CIC: variants seen among roughly 807,000 people sequenced by gnomAD.
CIC encodes the protein protein capicua homolog.
CIC carries 18 observed loss-of-function variants against 115.7 expected under a neutral mutation model. That is an observed-to-expected ratio of 0.16 (90% CI 0.11 to 0.23). The LOEUF (loss-of-function observed/expected upper bound fraction) is 0.23. Ranked by LOEUF, CIC falls within the 10% of genes least tolerant of loss-of-function variation. The pLI is 1.00. For missense variants in CIC, 2,000 were observed against 2,159.3 expected (o/e 0.93, Z 1.46); for synonymous variants, 1,076 against 923.0 (o/e 1.17, Z -3.01).
In CIC at chr19:42,287,668, G is replaced by A. The variant is rs2147199806; in HGVS notation, c.3433G>A (p.Glu1145Lys). Residue 1145 changes from glutamate (E) to lysine (K), a missense_variant, in exon 6 of 21, where the codon GAG (glutamate) becomes AAG (lysine). This residue lies in a region of CIC where 22 missense variants were observed against 93.8 expected (regional missense o/e 0.23). Coordinates refer to ENST00000681038, the MANE Select transcript of CIC (RefSeq NM_001386298.1). This position sits in a 1 kb window ranked among gnomAD's most constrained non-coding sequence, Gnocchi z 8.7. ...DNRTVSKILG[E>K]WWYALGPKEK... ...CCGGACCGTCAGCAAGATCCTGGGC[G>A]AGTGGTGGTATGCCCTGGGGCCCAA... The A allele has an allele frequency of 6.2e-7, 1 of 1,614,078 alleles. No individual in the cohort carries two copies. The highest frequency in any genetic ancestry group is 8.5e-7 in the Non-Finnish European group (1 of 1,180,038).
In CIC at chr19:42,295,247, T is replaced by C; in HGVS notation, c.*56T>C. ...GTACCCCCTCAGGACATGGACAGTA[T>C]GTGGGGGCAGGAAGGTTATCTCCTC... On this transcript the variant is annotated 3_prime_UTR_variant, in exon 21 of 21. Transcript: ENST00000681038. The C allele has an allele frequency of 1.4e-6, 2 of 1,475,044 alleles. No homozygotes were observed. The highest frequency in any genetic ancestry group is 1.8e-6 in the Non-Finnish European group (2 of 1,095,894). 91.4% of individuals were successfully genotyped at this position (1,475,044 alleles called of 1,614,324 possible).
chr19:42,293,718 G>C lies in CIC; in HGVS notation c.6649G>C (p.Glu2217Gln), dbSNP rs371145542. The C allele has an allele frequency of 6.2e-7, 1 of 1,612,926 alleles. No homozygotes were observed. The part of the protein sequence containing the change: ...APAVAPGGSS[E>Q]SSSGRAAGDT... ...AGCTGTAGCCCCTGGTGGCAGCAGC[G>C]AGAGCAGCAGTGGGCGGGCAGCCGG... The change falls in exon 17 of 21, where the codon GAG (glutamate) becomes CAG (glutamine). Residue 2217 changes from glutamate to glutamine, a missense_variant. By Grantham distance (29) the Glu-to-Gln change is conservative. Coordinates refer to ENST00000681038, the MANE Select transcript of CIC (RefSeq NM_001386298.1).
rs2038114488 is a variant in CIC at position 42,291,625 on chromosome 19, C to T, written c.5493C>T (p.Val1831=). Reference sequence around the variant, plus strand: ...CAGCCCAGCTGCTGCCTGGGAAGGTCCTAGTGCCTCTGGCCGCCCCTAGCA... The same window carrying T: ...CAGCCCAGCTGCTGCCTGGGAAGGTTCTAGTGCCTCTGGCCGCCCCTAGCA... ...GGSAQLLPGK[V]LVPLAAPSMS... Residue 1831 remains valine, a synonymous_variant, in exon 12 of 21, where the codon GTC becomes GTT. Coordinates refer to ENST00000681038, the MANE Select transcript of CIC (RefSeq NM_001386298.1). 3.1e-6 allele frequency: 5 copies of T among 1,613,020 alleles called. No individual in the cohort carries two copies. The highest frequency in any genetic ancestry group is 4.2e-6 in the Non-Finnish European group (5 of 1,179,996).
At chr19:42,294,509 A>G (rs2038375410) in intron 19 of CIC, 95 bp from the exon 20 acceptor site, 14 of 1,591,804 alleles carry the variant, frequency 8.8e-6, no homozygotes, top group Non-Finnish European at 1.2e-5. Flanking sequence ...CCCCTGTGAA[A>G]TAGAATGCAG....
Position 42,293,654 on chromosome 19 carries a change from T to C in CIC, c.6585T>C (p.Arg2195=), listed in dbSNP as rs772956772. The C allele has an allele frequency of 1.4e-5, 23 of 1,612,940 alleles. No homozygotes were observed. In the Admixed American group the frequency reaches 3.3e-4, roughly 23 times the overall value. Reference sequence around the variant, plus strand: ...TCCCTGGGCAGGGCCTGGAGAATCGTGGGGAGCCTCCCACTCCTCCCAGCC... The same window carrying C: ...TCCCTGGGCAGGGCCTGGAGAATCGCGGGGAGCCTCCCACTCCTCCCAGCC... ...WRVPGQGLEN[R]GEPPTPPSPA... is the part of the protein sequence containing the mutation. Residue 2195 remains arginine, a synonymous_variant, in exon 17 of 21, where the codon CGT becomes CGC. Coordinates refer to ENST00000681038, the MANE Select transcript of CIC (RefSeq NM_001386298.1).
chr19:42,295,004 C>A lies in CIC; in HGVS notation c.7367C>A (p.Pro2456His). 6.3e-7 allele frequency: 1 copy of A among 1,595,462 alleles called. No individual in the cohort carries two copies. The highest frequency in any genetic ancestry group is 8.5e-7 in the Non-Finnish European group (1 of 1,177,510). The change falls in exon 21 of 21, where the codon CCT becomes CAT. Residue 2456 changes from proline (P) to histidine (H), a missense_variant. This residue lies in a region of CIC where 133 missense variants were observed against 116.0 expected (regional missense o/e 1.15). Transcript: ENST00000681038. The stretch of plus-strand genomic sequence containing the variant: ...CCCCCCACTGGCACCGCTGCTGCCC[C>A]TGCCCCCACTCCCAGCCCCGCAGGG... ...VPPPTGTAAA[P>H]APTPSPAGGP...
intron 12 of CIC, 62 bp downstream of exon 12, chr19:42,291,807 G>A (rs945120307): frequency 6.3e-7 from 1 of 1,596,614 alleles, no homozygotes. Flanking sequence ...TCATTTCTTT[G>A]TCTTTTTTTT....
Position 42,274,403 on chromosome 19 carries a change from G to A in CIC, c.2620G>A (p.Ala874Thr), listed in dbSNP as rs888491935. ...CCCCGTGCCCATCACCGTGCCTCCA[G>A]CTGCACCAACTGCCGTGGCCCAGCC... ...PAPVPITVPP[A>T]APTAVAQPMP... Residue 874 changes from alanine to threonine, a missense_variant, in exon 2 of 21, where the codon GCT (alanine) becomes ACT (threonine). Ala to Thr is a moderately conservative substitution (Grantham distance 58). Transcript: ENST00000681038. The A allele has an allele frequency of 1.8e-5, 7 of 399,168 alleles. No homozygotes were observed. The East Asian group carries it at 2.5e-4, about 14-fold the overall frequency. The allele number at this position is 399,168 out of a possible 1,614,324, so 24.7% of individuals were successfully genotyped here.
intron 2 of CIC, 93 bp from the exon 3 acceptor site, chr19:42,286,678 G>A: frequency 6.5e-7 from 1 of 1,549,498 alleles, no homozygotes; most frequent in Non-Finnish European, 8.8e-7. Flanking sequence ...AGACAAAAGG[G>A]GTGGGGCTAC....
rs559335331 is a variant in CIC at position 42,295,231 on chromosome 19, C to T, written c.*40C>T. 1,201 of 1,525,038 alleles carry T rather than the reference C, an allele frequency of 7.9e-4. 29 individuals carry two copies. The South Asian group carries it at 0.013, about 17-fold the overall frequency. 94.5% of individuals were successfully genotyped at this position (1,525,038 alleles called of 1,614,324 possible). A position where few individuals can be genotyped will look rare whatever the true frequency, so the allele number is the denominator to read the frequency against. ...GATGCCAGGACTTATAGTACCCCCT[C>T]AGGACATGGACAGTATGTGGGGGCA... On this transcript the variant is annotated 3_prime_UTR_variant, in exon 21 of 21. Transcript: ENST00000681038.
Position 42,287,364 on chromosome 19 carries a change from C to A in CIC, c.3224C>A (p.Pro1075His). 6.2e-7 allele frequency: 1 copy of A among 1,614,116 alleles called. No individual in the cohort carries two copies. The highest frequency in any genetic ancestry group is 1.3e-5 in the African/African-American group (1 of 75,036). ...CCTGAGATCCAGTTGCCTCTACCGC[C>A]CGGAAAACGTCGGACCCAGTCCCTC... ...MSPEIQLPLP[P>H]GKRRTQSLSA... is the part of the protein sequence containing the mutation. Residue 1075 changes from proline to histidine, a missense_variant, in exon 5 of 21, where the codon CCC becomes CAC. By Grantham distance (77) the Pro-to-His change is moderately conservative. Around this residue, in one of 8 missense-constraint regions of CIC, gnomAD observed 222 missense variants for 247.7 expected, o/e 0.90. Coordinates refer to ENST00000681038, the MANE Select transcript of CIC (RefSeq NM_001386298.1). This position sits in a 1 kb window ranked among gnomAD's most constrained non-coding sequence, Gnocchi z 8.7.
chr19:42,284,013 A>AGGGGCGGGGGGAGGC (rs1743350420), intron 2 of CIC: 1 of 115,172 alleles, frequency 8.7e-6, no homozygotes, highest in Non-Finnish European at 1.9e-5. Context: ...GAAGCGGGGA[A>AGGGGCGGGGGGAGGC]GGGGCGGGGG....
rs757335104 is a variant in CIC, at chr19:42,287,362, G to T, written c.3222G>T (p.Pro1074=). 6.2e-7 allele frequency: 1 copy of T among 1,614,020 alleles called. No individual in the cohort carries two copies. Among genetic ancestry groups the T allele is most frequent in the Non-Finnish European group, 8.5e-7 (1 of 1,180,008 alleles). ...IMSPEIQLPL[P]PGKRRTQSLS... is the part of the protein sequence containing the mutation. The stretch of plus-strand genomic sequence containing the variant: ...CTCCTGAGATCCAGTTGCCTCTACC[G>T]CCCGGAAAACGTCGGACCCAGTCCC... Residue 1074 remains proline (P), a synonymous_variant, in exon 5 of 21, where the codon CCG becomes CCT. Transcript: ENST00000681038. This position sits in a 1 kb window ranked among gnomAD's most constrained non-coding sequence, Gnocchi z 8.7.
rs562265768 is a variant in CIC at position 42,287,313 on chromosome 19, G to A, written c.3180-7G>A. 3.7e-5 allele frequency: 60 copies of A among 1,614,054 alleles called. 1 individual carries two copies. The highest frequency in any genetic ancestry group is 2.9e-4 in the East Asian group (13 of 44,870). ...TGGCCCTCACTGTCCCTGCTGCCCC[G>A]CCGCAGCTTCCTCTCCATCATGTCT... On this transcript the variant is annotated splice_polypyrimidine_tract_variant and splice_region_variant and intron_variant, in intron 4 of 20. Coordinates refer to ENST00000681038, the MANE Select transcript of CIC (RefSeq NM_001386298.1). The surrounding 1 kb of genome is among the most constrained non-coding windows in gnomAD (Gnocchi z 8.7).
chr19:42,285,468 C>G (rs905587108), intron 2 of CIC, among the ~76,000 whole-genome samples: 1 of 152,174 alleles, frequency 6.6e-6, no homozygotes, highest in Non-Finnish European at 1.5e-5. Flanking sequence ...TCAGTGCTGT[C>G]TTCGTGATCC....
chr19:42,290,281 C>A lies in CIC; in HGVS notation c.4240C>A (p.His1414Asn), dbSNP rs2037980548. The A allele has an allele frequency of 4.3e-6, 7 of 1,614,080 alleles. No homozygotes were observed. In the East Asian group the frequency reaches 1.6e-4, roughly 36 times the overall value. ...FSPVIRSSFT[H>N]CRPPLDPEPP... ...ACCTGTGATCCGTTCCTCCTTTACC[C>A]ACTGCCGCCCCCCACTGGACCCTGA... The change falls in exon 11 of 21, where the codon CAC becomes AAC. Residue 1414 changes from histidine (H) to asparagine (N), a missense_variant. By Grantham distance (68) the His-to-Asn change is moderately conservative. Around this residue, in one of 8 missense-constraint regions of CIC, gnomAD observed 1,466 missense variants for 1,390.4 expected, o/e 1.05. Transcript: ENST00000681038.
At chr19:42,284,701 G>A in intron 2 of CIC, 2 of 1,547,084 alleles carry the variant, frequency 1.3e-6, no homozygotes, top group East Asian at 2.4e-5. Context: ...CCCTGCGCCG[G>A]ACCATGTATT....
At chr19:42,277,982 T>G (rs1236382856) in intron 2 of CIC, among the ~76,000 whole-genome samples, 1 of 152,228 alleles carries the variant, frequency 6.6e-6, no homozygotes, top group Non-Finnish European at 1.5e-5. Context: ...AGTGGTATAG[T>G]GAGGTTGCAG....
chr19:42,283,329 G>T (rs985817798), intron 2 of CIC, among the ~76,000 whole-genome samples: 1 of 152,074 alleles, frequency 6.6e-6, no homozygotes, highest in African/African-American at 2.4e-5. Context: ...TGAGGATGCG[G>T]GTTGGCGAAG....
Sources: allele counts gnomAD v4.1 joint callset (sites outside exome capture counted in the v4.1 genomes callset), GRCh38; gene constraint gnomAD v4.1.1; regional missense constraint gnomAD v4.1.1; non-coding constraint Gnocchi (gnomAD v3.1); transcripts MANE v1.5; gene names NCBI Gene and HGNC (gene_info 2026-07-23, HGNC 2026-07-21).